The following RGPD1 variants were observed in gnomAD, a reference collection of about 807,000 sequenced individuals.
The protein encoded by RGPD1 is RANBP2-like and GRIP domain-containing protein 1.
Under a neutral mutation model 40.6 loss-of-function variants are expected in RGPD1, and 7 were observed. The ratio of observed to expected loss-of-function variants is 0.17; its 90% CI spans 0.10 to 0.32. RGPD1 has a LOEUF of 0.32. RGPD1 is among the 10% of genes least tolerant of loss of function. The probability of loss-of-function intolerance (pLI) is 1.00; values close to 1 mark genes in which losing one functional copy is unlikely to be tolerated. For synonymous variants in RGPD1, 24 were observed against 167.0 expected, an observed-to-expected ratio of 0.14 and a Z score of 6.60; for missense variants, 50 against 472.5, an observed-to-expected ratio of 0.11 and a Z score of 8.29.
At chr2:86,923,545 G>T (rs1403018987) in intron 1 of RGPD1, among the ~76,000 whole-genome samples, 1 of 146,804 alleles carries the variant, frequency 6.8e-6, no homozygotes, top group Non-Finnish European at 1.5e-5. Flanking sequence ...ACGGAGTCTC[G>T]CCTTATCGCC....
chr2:86,964,100 T>G (rs1681073980), intron 7 of RGPD1, among the ~76,000 whole-genome samples: 1 of 99,014 alleles, frequency 1.0e-5, no homozygotes. Flanking sequence ...TGGAGTGCAG[T>G]GGCACGATCT....
intron 1 of RGPD1, among the ~76,000 whole-genome samples, chr2:86,933,134 C>T (rs1471174794): frequency 6.7e-6 from 1 of 148,848 alleles, no homozygotes; most frequent in Non-Finnish European, 1.5e-5. Flanking sequence ...AATATGTATA[C>T]ACATATATAA....
At chr2:86,931,252 G>A (rs1001660575) in intron 1 of RGPD1, among the ~76,000 whole-genome samples, 1 of 151,608 alleles carries the variant, frequency 6.6e-6, no homozygotes, top group Non-Finnish European at 1.5e-5. Flanking sequence ...CTTTTTCACT[G>A]CTTTCATTAC....
rs1471720298 is a variant in RGPD1 at position 86,942,439 on chromosome 2, T to C, written c.72+131T>C. ...AGGCGTCATGGCTCCCGACGGGCGC[T>C]GCTCCCTGGCGCGCTCTGTTGAGGC... On this transcript the variant is annotated intron_variant, in intron 1 of 22. Coordinates refer to ENST00000641458, the MANE Select transcript of RGPD1 (RefSeq NM_001382344.1). The C allele has an allele frequency of 6.6e-6, 6 of 909,880 alleles. 1 individual carries two copies. The highest frequency in any genetic ancestry group is 4.2e-5 in the South Asian group (2 of 47,796). 56.4% of individuals were successfully genotyped at this position (909,880 alleles called of 1,614,324 possible).
rs199535748 is a variant in RGPD1 at position 86,920,145 on chromosome 2, T to C, written c.72+6224T>C. 2.8e-4 allele frequency among the ~76,000 whole-genome samples: 42 copies of C among 152,020 alleles called. 1 individual carries two copies. The highest frequency in any genetic ancestry group is 7.9e-4 in the African/African-American group (33 of 41,522). ...AATGCAGTGGCGTTATCCTGGCTCA[T>C]TACAACCTCTGCCTCCTAAGTTGAA... On this transcript the variant is annotated intron_variant, in intron 1 of 22. Coordinates refer to the RGPD1 transcript ENST00000398193.
intron 1 of RGPD1, among the ~76,000 whole-genome samples, chr2:86,930,918 C>T (rs1163545238): frequency 3.7e-5 from 4 of 108,780 alleles, no homozygotes; most frequent in Non-Finnish European, 5.6e-5. Context: ...ACATTCTTAT[C>T]TGAGCATATA....
chr2:86,943,964 AG>A (rs1680127072), intron 1 of RGPD1, among the ~76,000 whole-genome samples: 1 of 151,886 alleles, frequency 6.6e-6, no homozygotes, highest in African/African-American at 2.4e-5. Context: ...CAGTGAGCCG[AG>A]GTCGCGCTAC....
rs569542155 is a variant in RGPD1 at position 86,933,457 on chromosome 2, G to T, written c.73-17839G>T. The stretch of plus-strand genomic sequence containing the variant: ...TGATATAAAATTTCTATTCTGCTTT[G>T]TATTTTTCATTAAAGTTTTTATAAT... On this transcript the variant is annotated intron_variant, in intron 1 of 22. Coordinates refer to the RGPD1 transcript ENST00000398193. 2.4e-3 allele frequency among the ~76,000 whole-genome samples: 349 copies of T among 148,380 alleles called. 7 individuals are homozygous for T. The highest frequency in any genetic ancestry group is 8.0e-3 in the African/African-American group (325 of 40,634).
intron 1 of RGPD1, chr2:86,930,619 C>G: frequency 6.2e-7 from 1 of 1,611,690 alleles, no homozygotes; most frequent in South Asian, 1.1e-5. Flanking sequence ...CAGCCAGTCT[C>G]CCCGCAGCAG....
intron 1 of RGPD1, chr2:86,934,820 C>G (rs1679234402): frequency 6.9e-6 from 1 of 145,102 alleles, no homozygotes. Flanking sequence ...TTGGGAACGA[C>G]ATCTTGGCGA....
chr2:86,941,475 A>G (rs560274604), upstream of RGPD1, among the ~76,000 whole-genome samples: 2,799 of 147,834 alleles, frequency 0.019, 110 homozygotes, highest in African/African-American at 0.067. Flanking sequence ...GTAACCTGGA[A>G]CTCTTGGGAT....
rs1677586132 is a variant in RGPD1 at position 86,914,024 on chromosome 2, C to CGGCGGCGGCCTCGGCCCCGGCCTGGCCG, written c.72+112_72+113insCTCGGCCCCGGCCTGGCCGGGCGGCGGC. 2 of 7,782 alleles carry CGGCGGCGGCCTCGGCCCCGGCCTGGCCG rather than the reference C, an allele frequency of 2.6e-4. 1 individual carries two copies. The highest frequency in any genetic ancestry group is 1.5e-3 in the African/African-American group (2 of 1,330). The allele number at this position is 7,782 out of a possible 1,614,324, so 0.5% of individuals were successfully genotyped here. On this transcript the variant is annotated intron_variant, in intron 1 of 22. Coordinates refer to the RGPD1 transcript ENST00000398193. The stretch of plus-strand genomic sequence containing the variant: ...CCTCGGCCTCGGCCTGGCCGGGCGG[C>CGGCGGCGGCCTCGGCCCCGGCCTGGCCG]GGCGGCGGCGGCGGCGGCGGCGGCG...
upstream of RGPD1, among the ~76,000 whole-genome samples, chr2:86,941,862 C>T (rs1020815894): frequency 6.6e-6 from 1 of 151,588 alleles, no homozygotes; most frequent in African/African-American, 2.4e-5. Context: ...AGGGGCCCAC[C>T]TCCACGCCCG....
In RGPD1 at chr2:86,942,328, A is replaced by T. The variant is rs1423921930; in HGVS notation, c.72+20A>T. ...GGAAAGGTGAGTGGATCTCGAAGAG[A>T]CCGACGGCCTCGACCTGGCCGGGCG... On this transcript the variant is annotated intron_variant, in intron 1 of 22. Coordinates refer to ENST00000641458, the MANE Select transcript of RGPD1 (RefSeq NM_001382344.1). 50 of 1,501,718 alleles carry T rather than the reference A, an allele frequency of 3.3e-5. No homozygotes were observed. Among genetic ancestry groups the T allele is most frequent in the Non-Finnish European group, 4.2e-5 (47 of 1,122,394 alleles). The allele number at this position is 1,501,718 out of a possible 1,614,324, so 93.0% of individuals were successfully genotyped here.
At chr2:86,915,090 G>T (rs924407973) in intron 1 of RGPD1, among the ~76,000 whole-genome samples, 10 of 150,112 alleles carry the variant, frequency 6.7e-5, no homozygotes, top group African/African-American at 2.4e-4. Context: ...GAGGTCGGTC[G>T]TTCGAGACCA....
intron 1 of RGPD1, among the ~76,000 whole-genome samples, chr2:86,920,108 C>T (rs1008957215): frequency 1.9e-4 from 29 of 151,892 alleles, no homozygotes; most frequent in Non-Finnish European, 2.6e-4. Flanking sequence ...TTTGCTCTGT[C>T]GTCTAGGCTG....
intron 1 of RGPD1, among the ~76,000 whole-genome samples, chr2:86,923,458 T>G (rs1468636745): frequency 6.6e-6 from 1 of 151,922 alleles, no homozygotes; most frequent in Non-Finnish European, 1.5e-5. Context: ...CACACTCATG[T>G]AACCTACACT....
chr2:86,931,282 CA>C (rs1284224718), intron 1 of RGPD1, among the ~76,000 whole-genome samples: 1 of 151,818 alleles, frequency 6.6e-6, no homozygotes, highest in Non-Finnish European at 1.5e-5. Context: ...TACTCACCCC[CA>C]TATTTCTGGT....
At chr2:86,946,286 C>CA (rs1409735853) in intron 1 of RGPD1, among the ~76,000 whole-genome samples, 1 of 40,996 alleles carries the variant, frequency 2.4e-5, no homozygotes, top group Non-Finnish European at 5.0e-5. Flanking sequence ...TTTTTTGAGA[C>CA]AGAGTCTCGC....
Sources: gnomAD v4.1 joint callset for allele counts (sites outside exome capture counted in the v4.1 genomes callset) on GRCh38, gnomAD v4.1.1 for gene constraint, MANE v1.5 for transcripts, NCBI Gene and HGNC (gene_info 2026-07-23, HGNC 2026-07-21) for gene names.